Variants in LAMA5 observed in about 807,000 individuals in gnomAD.
LAMA5 encodes laminin subunit alpha-5.
In LAMA5, 260 loss-of-function variants were observed where a neutral mutation model predicts 433.4. The observed-to-expected ratio is 0.60, with a 90% CI of 0.54 to 0.66. LAMA5 has a LOEUF of 0.66. Among genes scored for constraint, LAMA5 ranks in the 30% least tolerant of loss-of-function variants. The probability of loss-of-function intolerance (pLI) is 0.00; values close to 1 mark genes in which losing one functional copy is unlikely to be tolerated. For missense variants in LAMA5, 5,378 were observed against 5,258.5 expected (o/e 1.02, Z -0.70); for synonymous variants, 2,620 against 2,226.6 (o/e 1.18, Z -4.97).
In LAMA5 at chr20:62,309,683, A is replaced by G. The variant is rs1985981444; in HGVS notation, c.10948+33T>C. ...TACGCAGCACCTAGTCCTGAGGGGC[A>G]GCTCCCCCACCCTTGATCAAGGCCG... is the stretch of plus-strand genomic sequence containing the variant. On this transcript the variant is annotated intron_variant, in intron 79 of 79. Coordinates refer to ENST00000252999, the MANE Select transcript of LAMA5 (RefSeq NM_005560.6). The G allele has an allele frequency of 4.7e-6, 6 of 1,289,398 alleles. No homozygotes were observed. The East Asian group carries it at 1.7e-4, about 36-fold the overall frequency. The allele number at this position is 1,289,398 out of a possible 1,614,324, so 79.9% of individuals were successfully genotyped here. A position where few individuals can be genotyped will look rare whatever the true frequency, so the allele number is the denominator to read the frequency against.
Position 62,346,899 on chromosome 20 carries a change from G to C in LAMA5, c.1072+14C>G, listed in dbSNP as rs1283813082. The C allele has an allele frequency of 2.5e-6, 4 of 1,611,882 alleles. No homozygotes were observed. Among genetic ancestry groups the C allele is most frequent in the Non-Finnish European group, 1.7e-6 (2 of 1,178,972 alleles). On this transcript the variant is annotated intron_variant, in intron 7 of 79. Coordinates refer to ENST00000252999, the MANE Select transcript of LAMA5 (RefSeq NM_005560.6). The stretch of plus-strand genomic sequence containing the variant: ...GTGTGGGCAGGACACACGTGTGTGG[G>C]AGGAGGCACTCACACTGGCACTCGT...
At chr20:62,347,176 G>A (rs755682215) in intron 6 of LAMA5, 148 bp from the exon 7 acceptor site, 35 of 640,628 alleles carry the variant, frequency 5.5e-5, no homozygotes, top group East Asian at 2.2e-4. Context: ...CCAGCTGTCC[G>A]GCAGCAAGCG....
In LAMA5 at chr20:62,314,444, C is replaced by A. The variant is rs753245121; in HGVS notation, c.8368-4G>T. 1.2e-6 allele frequency: 2 copies of A among 1,613,104 alleles called. No individual in the cohort carries two copies. Among genetic ancestry groups the A allele is most frequent in the Non-Finnish European group, 1.7e-6 (2 of 1,179,866 alleles). ...CACCCATGTAGTCCCCAGTGGCCTG[C>A]GGCAGTGACAGACACACAGTCGGGA... On this transcript the variant is annotated splice_region_variant and splice_polypyrimidine_tract_variant and intron_variant, in intron 61 of 79. Transcript: ENST00000252999.
chr20:62,312,135 C>T, intron 69 of LAMA5, 38 bp downstream of exon 69: 1 of 1,609,638 alleles, frequency 6.2e-7, no homozygotes. Context: ...CCGACGGCCA[C>T]CGCGGGGTGG....
In LAMA5 at chr20:62,309,168, T is replaced by G. The variant is rs1442680671; in HGVS notation, c.*168A>C. 1 of 693,288 alleles carries G rather than the reference T, an allele frequency of 1.4e-6. No homozygotes were observed. The highest frequency in any genetic ancestry group is 2.2e-6 in the Non-Finnish European group (1 of 444,724). 42.9% of individuals were successfully genotyped at this position (693,288 alleles called of 1,614,324 possible). ...TGGAAGGGCCAAATATAAAAACATTTTGCAGTATTTTATTCTTTCGTTTAA... is the reference window on the plus strand; with the variant it reads ...TGGAAGGGCCAAATATAAAAACATTGTGCAGTATTTTATTCTTTCGTTTAA... On this transcript the variant is annotated 3_prime_UTR_variant, in exon 80 of 80. Transcript: ENST00000252999.
chr20:62,329,249 TA>T lies in LAMA5; in HGVS notation c.4123del (p.Tyr1375MetfsTer69). 1 of 1,609,284 alleles carries T rather than the reference TA, an allele frequency of 6.2e-7. No individual in the cohort carries two copies. Among genetic ancestry groups the T allele is most frequent in the Non-Finnish European group, 8.5e-7 (1 of 1,177,002 alleles). ...VPKGRWLWLD[Y>X]VLVVPENVYS... The stretch of plus-strand genomic sequence containing the variant: ...GACGTTCTCAGGGACCACGAGTACA[TA>T]ATCCTAGGGGGTGAGGCCTGGTCAC... On this transcript the variant is annotated frameshift_variant, in exon 33 of 80. Coordinates refer to ENST00000252999, the MANE Select transcript of LAMA5 (RefSeq NM_005560.6). LOFTEE classifies it high-confidence loss of function.
intron 70 of LAMA5, 46 bp downstream of exon 70, chr20:62,311,874 G>A (rs1986317036): frequency 1.3e-6 from 2 of 1,575,628 alleles, no homozygotes; most frequent in African/African-American, 1.4e-5. Flanking sequence ...GTGCAGGCGG[G>A]CGTCCCTCCA....
At position 62,314,682 on chromosome 20, in the gene LAMA5, A is replaced by G; in HGVS notation, c.8240T>C (p.Leu2747Pro). 2.5e-6 allele frequency: 4 copies of G among 1,612,640 alleles called. No individual in the cohort carries two copies. The highest frequency in any genetic ancestry group is 3.4e-6 in the Non-Finnish European group (4 of 1,179,864). Residue 2747 changes from leucine to proline, a missense_variant, in exon 61 of 80, where the codon CTG (leucine) becomes CCG (proline). Coordinates refer to ENST00000252999, the MANE Select transcript of LAMA5 (RefSeq NM_005560.6). ...MKFNGRSGVQ[L>P]RTPRDLADLA... ...GTCGGCAAGATCCCGTGGGGTGCGC[A>G]GCTGCACCCCTGAGCGCCCGTTGAA... is the stretch of plus-strand genomic sequence containing the variant.
In LAMA5 at chr20:62,314,339, G is replaced by A; in HGVS notation, c.8469C>T (p.Asp2823=). The A allele has an allele frequency of 1.2e-6, 2 of 1,613,322 alleles. No homozygotes were observed. The highest frequency in any genetic ancestry group is 1.1e-5 in the South Asian group (1 of 91,084). Residue 2823 remains aspartate (D), a synonymous_variant, in exon 62 of 80, where the codon GAC becomes GAT. Transcript: ENST00000252999. ...TGACAGCTGCGAACTGCTCCCCAAT[G>A]TCCTCATCGATGCTTAGGACTGCAG... ...AGPAVLSIDE[D]IGEQFAAVSL...
rs557590795 is a variant in LAMA5, at chr20:62,349,219, C to T, written c.957-2191G>A. Reference sequence around the variant, plus strand: ...CCGGGAGGCGGAGCTTGCAGTGAGCCGAGATCGTGCCACTGCACGCCAGTC... The same window carrying T: ...CCGGGAGGCGGAGCTTGCAGTGAGCTGAGATCGTGCCACTGCACGCCAGTC... On this transcript the variant is annotated intron_variant, in intron 6 of 79. Transcript: ENST00000252999. 3.5e-3 allele frequency among the ~76,000 whole-genome samples: 460 copies of T among 131,810 alleles called. 2 individuals are homozygous for T. The highest frequency in any genetic ancestry group is 0.012 in the African/African-American group (436 of 36,346). 86.5% of individuals were successfully genotyped at this position (131,810 alleles called of 152,430 possible).
Position 62,323,867 on chromosome 20 carries a change from C to A in LAMA5, c.5769-11G>T. On this transcript the variant is annotated splice_polypyrimidine_tract_variant and intron_variant, in intron 43 of 79. Transcript: ENST00000252999. Reference sequence around the variant, plus strand: ...CAGCCCTCGGCGAAGCTGCAAAGACCAGCAGCGTCAGTCACTAGGCCCCTG... The same window carrying A: ...CAGCCCTCGGCGAAGCTGCAAAGACAAGCAGCGTCAGTCACTAGGCCCCTG... The A allele has an allele frequency of 4.4e-6, 7 of 1,594,374 alleles. No individual in the cohort carries two copies. Among genetic ancestry groups the A allele is most frequent in the Non-Finnish European group, 5.1e-6 (6 of 1,170,008 alleles).
In LAMA5 at chr20:62,328,427, C is replaced by T. The variant is rs775367215; in HGVS notation, c.4466G>A (p.Arg1489His). ...PNCRPCDCGA[R>H]LCDELTGQCI... is the part of the protein sequence containing the mutation. ...CTGGCCCGTGAGCTCGTCACAGAGGCGGGCACCGCAGTCACAGGCTGTGGG... is the reference window on the plus strand; with the variant it reads ...CTGGCCCGTGAGCTCGTCACAGAGGTGGGCACCGCAGTCACAGGCTGTGGG... Residue 1489 changes from arginine to histidine, a missense_variant, in exon 35 of 80, where the codon CGC becomes CAC. Physicochemically the swap from Arg to His is conservative, Grantham distance 29. Coordinates refer to ENST00000252999, the MANE Select transcript of LAMA5 (RefSeq NM_005560.6). 33 of 1,508,460 alleles carry T rather than the reference C, an allele frequency of 2.2e-5. No homozygotes were observed. Among genetic ancestry groups the T allele is most frequent in the Non-Finnish European group, 2.7e-5 (30 of 1,121,856 alleles). The allele number at this position is 1,508,460 out of a possible 1,614,324, so 93.4% of individuals were successfully genotyped here.
Position 62,322,055 on chromosome 20 carries a change from G to C in LAMA5, c.6460C>G (p.Pro2154Ala), listed in dbSNP as rs1470101094. 6.3e-7 allele frequency: 1 copy of C among 1,599,752 alleles called. No homozygotes were observed. The highest frequency in any genetic ancestry group is 2.2e-5 in the East Asian group (1 of 44,846). ...TCSQQHQVPV[P>A]GGPVGHSIHC... The stretch of plus-strand genomic sequence containing the variant: ...ATGCTGTGGCCCACAGGCCCGCCTG[G>C]AACAGGCACCTGATGCTGCTGGCTG... The change falls in exon 48 of 80, where the codon CCA (proline) becomes GCA (alanine). Residue 2154 changes from proline (P) to alanine (A), a missense_variant. Coordinates refer to ENST00000252999, the MANE Select transcript of LAMA5 (RefSeq NM_005560.6).
chr20:62,309,765 C>T lies in LAMA5; in HGVS notation c.10899G>A (p.Leu3633=), dbSNP rs753283044. The T allele has an allele frequency of 1.9e-6, 3 of 1,605,634 alleles. No homozygotes were observed. The South Asian group carries it at 3.3e-5, about 18-fold the overall frequency. The part of the protein sequence containing the change: ...AQSNHTVGPL[L]AAAAGAPAPL... The stretch of plus-strand genomic sequence containing the variant: ...GGGCTGGGGCACCAGCTGCAGCCGC[C>T]AGCAAGGGGCCCACGGTGTGGTTGC... The change falls in exon 79 of 80, where the codon CTG becomes CTA. Residue 3633 remains leucine, a synonymous_variant. Coordinates refer to ENST00000252999, the MANE Select transcript of LAMA5 (RefSeq NM_005560.6).
chr20:62,329,397 C>T, intron 32 of LAMA5, 144 bp from the exon 33 acceptor site: 1 of 647,990 alleles, frequency 1.5e-6, no homozygotes, highest in Middle Eastern at 3.3e-4. Context: ...AGCCCTGGGC[C>T]CTGGCTGCTC....
At chr20:62,365,407 G>A (rs1461711382) in intron 1 of LAMA5, among the ~76,000 whole-genome samples, 2 of 152,236 alleles carry the variant, frequency 1.3e-5, no homozygotes, top group Admixed American at 1.3e-4. Context: ...ACTACAGGCT[G>A]GCCCTTTACT....
Position 62,324,049 on chromosome 20 carries a change from AGGGCCTCGTCCC to A in LAMA5, c.5768+19_5768+30del. On this transcript the variant is annotated intron_variant, in intron 43 of 79. Coordinates refer to ENST00000252999, the MANE Select transcript of LAMA5 (RefSeq NM_005560.6). This position sits in a 1 kb window ranked among gnomAD's most constrained non-coding sequence, Gnocchi z 4.4. ...TGGGTGAAGGGAGCCTGGCACCATC[AGGGCCTCGTCCC>A]GGGAGGAGGCTGGCTTACTTGTTGG... The A allele has an allele frequency of 6.7e-7, 1 of 1,485,750 alleles. No homozygotes were observed. The highest frequency in any genetic ancestry group is 8.9e-7 in the Non-Finnish European group (1 of 1,120,526). The allele number at this position is 1,485,750 out of a possible 1,614,324, so 92.0% of individuals were successfully genotyped here.
intron 1 of LAMA5, among the ~76,000 whole-genome samples, chr20:62,363,670 C>T (rs1601439934): frequency 6.6e-6 from 1 of 152,022 alleles, no homozygotes; most frequent in Admixed American, 6.5e-5. Context: ...GCCCCAGAGG[C>T]CTCAATCTGA....
In LAMA5 at chr20:62,312,112, A is replaced by G. The variant is rs530383874; in HGVS notation, c.9504+61T>C. ...GACCCAGACTCATTCCAGACACCCC[A>G]GTCCCAACTGCTCCGACGGCCACCG... On this transcript the variant is annotated intron_variant, in intron 69 of 79. Coordinates refer to ENST00000252999, the MANE Select transcript of LAMA5 (RefSeq NM_005560.6). The G allele has an allele frequency of 6.6e-4, 1,065 of 1,609,750 alleles. 1 individual carries two copies. Among genetic ancestry groups the G allele is most frequent in the Non-Finnish European group, 7.7e-4 (903 of 1,177,848 alleles).
Sources: allele counts gnomAD v4.1 joint callset (sites outside exome capture counted in the v4.1 genomes callset), GRCh38; gene constraint gnomAD v4.1.1; non-coding constraint Gnocchi (gnomAD v3.1); transcripts MANE v1.5; gene names NCBI Gene and HGNC (gene_info 2026-07-23, HGNC 2026-07-21).